Variants in NEGR1 observed in about 807,000 individuals in gnomAD.
NEGR1 encodes neuronal growth regulator 1.
In NEGR1, 10 loss-of-function variants were observed where a neutral mutation model predicts 40.9. The observed-to-expected ratio is 0.24, with a 90% CI of 0.15 to 0.42. The LOEUF (loss-of-function observed/expected upper bound fraction) is 0.42, where lower values mean the gene tolerates loss of function less well. NEGR1 is among the 10% of genes least tolerant of loss of function. The pLI is 1.00. For synonymous variants in NEGR1, 185 were observed against 166.8 expected (o/e 1.11, Z -0.84); for missense variants, 352 against 438.9 (o/e 0.80, Z 1.77).
intron 2 of NEGR1, among the ~76,000 whole-genome samples, chr1:71,807,201 G>A (rs575747570): frequency 7.9e-5 from 12 of 151,974 alleles, no homozygotes; most frequent in African/African-American, 2.9e-4. Flanking sequence ...TGGCCATGTC[G>A]ATCTATTTTT....
In NEGR1 at chr1:71,399,644, T is replaced by G. The variant is rs946470124; in HGVS notation, c.*7802A>C. On this transcript the variant is annotated 3_prime_UTR_variant, in exon 7 of 7. Transcript: ENST00000357731. ...AGCAATGCGATTTTGTATTTGTGTG[T>G]GAGTATGTGTTTTGTTTTGAAAAAG... The G allele has an allele frequency of 2.0e-5, 3 of 152,218 alleles. No homozygotes were observed. The highest frequency in any genetic ancestry group is 2.9e-5 in the Non-Finnish European group (2 of 68,032). 9.4% of individuals were successfully genotyped at this position (152,218 alleles called of 1,614,324 possible). A position where few individuals can be genotyped will look rare whatever the true frequency, so the allele number is the denominator to read the frequency against.
At chr1:72,257,083 G>GCC (rs1655294607) in intron 1 of NEGR1, among the ~76,000 whole-genome samples, 1 of 152,060 alleles carries the variant, frequency 6.6e-6, no homozygotes, top group African/African-American at 2.4e-5. Context: ...AGCACTTTGG[G>GCC]AGGCCGAGGC....
rs367847453 is a variant in NEGR1, at chr1:72,142,813, G to A, written c.176+139506C>T. ...TACATGAAACCCTATTCCTTTTCTT[G>A]AAATCATGATGATCCCTAGAAAGAA... On this transcript the variant is annotated intron_variant, in intron 1 of 6. Transcript: ENST00000357731. Among the ~76,000 whole-genome samples, 8 of 151,068 alleles carry A rather than the reference G, an allele frequency of 5.3e-5. No homozygotes were observed. In the East Asian group the frequency reaches 5.8e-4, roughly 11 times the overall value.
chr1:71,963,216 CTTTCTT>C (rs1403456329), intron 1 of NEGR1, among the ~76,000 whole-genome samples: 1 of 151,990 alleles, frequency 6.6e-6, no homozygotes, highest in African/African-American at 2.4e-5. Flanking sequence ...GGTACTTCCC[CTTTCTT>C]TTTAAGTACC....
Position 71,732,232 on chromosome 1 carries a change from C to T in NEGR1, c.536-34093G>A, listed in dbSNP as rs977480417. ...CTGAGGTGGGAGAATCGCTTGGGTC[C>T]GAGAAGTAGGGGCTGCAGTGAGCCG... is the stretch of plus-strand genomic sequence containing the variant. On this transcript the variant is annotated intron_variant, in intron 3 of 6. Coordinates refer to ENST00000357731, the MANE Select transcript of NEGR1 (RefSeq NM_173808.3). Among the ~76,000 whole-genome samples the T allele has an allele frequency of 1.1e-4, 17 of 152,022 alleles. No individual in the cohort carries two copies. In the East Asian group the frequency reaches 1.9e-3, roughly 17 times the overall value.
At chr1:72,048,918 T>G (rs916139294) in intron 1 of NEGR1, among the ~76,000 whole-genome samples, 4 of 151,666 alleles carry the variant, frequency 2.6e-5, no homozygotes, top group Admixed American at 6.6e-5. Flanking sequence ...TGGACTGATT[T>G]TCTATTCTAA....
intron 3 of NEGR1, among the ~76,000 whole-genome samples, chr1:71,723,412 C>T (rs938617519): frequency 6.6e-6 from 1 of 152,038 alleles, no homozygotes; most frequent in African/African-American, 2.4e-5. Flanking sequence ...TTGGAACTTT[C>T]AGCTCCACCT....
intron 4 of NEGR1, among the ~76,000 whole-genome samples, chr1:71,684,951 C>T (rs1010176561): frequency 5.9e-5 from 9 of 152,108 alleles, no homozygotes; most frequent in Non-Finnish European, 1.2e-4. Flanking sequence ...TGCTTCAATA[C>T]ATCTTTATTA....
intron 6 of NEGR1, among the ~76,000 whole-genome samples, chr1:71,499,271 A>G (rs1185435614): frequency 6.6e-6 from 1 of 151,800 alleles, no homozygotes; most frequent in African/African-American, 2.4e-5. Context: ...ATTTCTTTTT[A>G]AAAATGGACC....
At chr1:71,631,119 T>C (rs958132974) in intron 4 of NEGR1, among the ~76,000 whole-genome samples, 5 of 151,956 alleles carry the variant, frequency 3.3e-5, no homozygotes, top group African/African-American at 1.2e-4. Flanking sequence ...GTGTGGGAAT[T>C]AATTGTAAAA....
chr1:72,223,280 G>A (rs1293407888), intron 1 of NEGR1, among the ~76,000 whole-genome samples: 1 of 152,054 alleles, frequency 6.6e-6, no homozygotes, highest in Non-Finnish European at 1.5e-5. Context: ...GAGTAATTTG[G>A]TAGGCAGCAA....
At chr1:72,049,330 C>T (rs977357376) in intron 1 of NEGR1, among the ~76,000 whole-genome samples, 8 of 151,416 alleles carry the variant, frequency 5.3e-5, no homozygotes, top group African/African-American at 1.9e-4. Flanking sequence ...GAGTGAGTCC[C>T]TGTCTCTAAA....
intron 1 of NEGR1, among the ~76,000 whole-genome samples, chr1:71,951,214 C>T (rs113354180): frequency 1.8e-3 from 278 of 151,956 alleles, no homozygotes; most frequent in African/African-American, 6.3e-3. Flanking sequence ...TTGATTTAGC[C>T]AAACACCAAA....
chr1:71,801,532 T>G (rs1463538261), intron 2 of NEGR1, among the ~76,000 whole-genome samples: 4 of 152,164 alleles, frequency 2.6e-5, no homozygotes, highest in Non-Finnish European at 5.9e-5. Flanking sequence ...CATGCCAGCC[T>G]TTCTTATCTC....
At chr1:71,834,917 T>A (rs1301542053) in intron 2 of NEGR1, among the ~76,000 whole-genome samples, 4 of 74,048 alleles carry the variant, frequency 5.4e-5, no homozygotes, top group African/African-American at 2.5e-4. Flanking sequence ...ACAGCAGTTA[T>A]CTGTTGCTGT....
intron 3 of NEGR1, among the ~76,000 whole-genome samples, chr1:71,724,577 T>C (rs1219791820): frequency 6.6e-6 from 1 of 152,180 alleles, no homozygotes. Context: ...TGCTTTTGTA[T>C]TCTTATGAAT....
rs182530686 is a variant in NEGR1 at position 71,625,735 on chromosome 1, C to A, written c.668-14589G>T. ...AGAATACTTATGATAAGGCAGGCGT[C>A]CCCAAGCCCCAGGCCATGGACCACT... is the stretch of plus-strand genomic sequence containing the variant. On this transcript the variant is annotated intron_variant, in intron 4 of 6. Transcript: ENST00000357731. Among the ~76,000 whole-genome samples the A allele has an allele frequency of 1.1e-3, 162 of 151,838 alleles. 1 individual carries two copies. Among genetic ancestry groups the A allele is most frequent in the African/African-American group, 3.8e-3 (159 of 41,466 alleles).
intron 4 of NEGR1, among the ~76,000 whole-genome samples, chr1:71,683,949 A>G (rs1326746684): frequency 6.6e-6 from 1 of 152,118 alleles, no homozygotes; most frequent in Non-Finnish European, 1.5e-5. Flanking sequence ...CTGTAGATGA[A>G]CAATGTTTAC....
intron 1 of NEGR1, among the ~76,000 whole-genome samples, chr1:72,149,898 A>G (rs797020155): frequency 6.2e-4 from 93 of 148,982 alleles, no homozygotes; most frequent in East Asian, 5.5e-3. Flanking sequence ...AAAAAAAAAA[A>G]AAAGAAAGAA....
Sources: allele counts gnomAD v4.1 joint callset (sites outside exome capture counted in the v4.1 genomes callset), GRCh38; gene constraint gnomAD v4.1.1; transcripts MANE v1.5; gene names NCBI Gene and HGNC (gene_info 2026-07-23, HGNC 2026-07-21).